The following TRIO variants were observed in gnomAD, a reference collection of about 807,000 sequenced individuals.
The protein encoded by TRIO is triple functional domain protein.
TRIO carries 58 observed loss-of-function variants against 351.9 expected under a neutral mutation model. That is an observed-to-expected ratio of 0.16 (90% CI 0.13 to 0.21). The LOEUF (loss-of-function observed/expected upper bound fraction) is 0.21, where lower values mean the gene tolerates loss of function less well. Ranked by LOEUF, TRIO falls within the 10% of genes least tolerant of loss-of-function variation. The pLI, the probability that TRIO is intolerant of heterozygous loss-of-function variation, is 1.00. For synonymous variants in TRIO, 1,758 were observed against 1,595.7 expected (o/e 1.10, Z -2.42); for missense variants, 3,201 against 4,027.8 (o/e 0.79, Z 5.56).
chr5:14,310,243 T>A (rs987551291), intron 8 of TRIO, among the ~76,000 whole-genome samples: 2 of 152,274 alleles, frequency 1.3e-5, no homozygotes, highest in Non-Finnish European at 2.9e-5. Flanking sequence ...ATGATTTTCA[T>A]CTCAGTGTGC....
intron 33 of TRIO, chr5:14,418,933 G>A (rs116253175): frequency 0.015 from 2,218 of 152,554 alleles, 19 homozygotes; most frequent in Non-Finnish European, 0.025. Context: ...ACAGTCATGA[G>A]AAGACCATGC....
intron 54 of TRIO, 24 bp from the exon 55 acceptor site, chr5:14,504,369 T>G (rs1757513698): frequency 6.2e-7 from 1 of 1,613,074 alleles, no homozygotes; most frequent in African/African-American, 1.3e-5. Flanking sequence ...CCTCTGCAAA[T>G]GGTCCCCCTG....
chr5:14,289,326 A>C (rs1377523093), intron 4 of TRIO, among the ~76,000 whole-genome samples: 1 of 151,942 alleles, frequency 6.6e-6, no homozygotes, highest in African/African-American at 2.4e-5. Flanking sequence ...TGTAGGTTGC[A>C]GTGAGCTGAG....
chr5:14,307,537 A>G (rs1738484622), intron 8 of TRIO, among the ~76,000 whole-genome samples: 1 of 152,148 alleles, frequency 6.6e-6, no homozygotes, highest in Admixed American at 6.5e-5. Flanking sequence ...TTGGCAGTGC[A>G]TGTCCTTCTC....
At chr5:14,446,746 A>T (rs1434133265) in intron 34 of TRIO, among the ~76,000 whole-genome samples, 3 of 152,100 alleles carry the variant, frequency 2.0e-5, no homozygotes, top group Non-Finnish European at 4.4e-5. Context: ...GGAATTCCTA[A>T]TTGGTTACAG....
chr5:14,349,332 C>T (rs1742815496), intron 11 of TRIO, among the ~76,000 whole-genome samples: 1 of 151,840 alleles, frequency 6.6e-6, no homozygotes, highest in Non-Finnish European at 1.5e-5. Context: ...TGTGCACGCA[C>T]ATGAGCATGT....
At position 14,465,599 on chromosome 5, in the gene TRIO, G is replaced by A. The variant is rs781657366; in HGVS notation, c.5722G>A (p.Glu1908Lys). Residue 1908 changes from glutamate (E) to lysine (K), a missense_variant, in exon 37 of 57, where the codon GAG becomes AAG. Coordinates refer to ENST00000344204, the MANE Select transcript of TRIO (RefSeq NM_007118.4). ...CAGCTCCGAAACACCGAGTGCAGCC[G>A]AGCTCGTCAGTGCAATTGAGGAACT... ...PTSSETPSAA[E>K]LVSAIEELVK... 3.1e-6 allele frequency: 5 copies of A among 1,613,934 alleles called. No homozygotes were observed. Among genetic ancestry groups the A allele is most frequent in the African/African-American group, 1.3e-5 (1 of 74,876 alleles).
At chr5:14,384,830 A>C (rs1274722671) in intron 21 of TRIO, among the ~76,000 whole-genome samples, 1 of 152,088 alleles carries the variant, frequency 6.6e-6, no homozygotes, top group Non-Finnish European at 1.5e-5. Flanking sequence ...GGAACATCTA[A>C]AGTTAAAAAT....
At chr5:14,293,912 G>C (rs1192385214) in intron 6 of TRIO, among the ~76,000 whole-genome samples, 3 of 152,036 alleles carry the variant, frequency 2.0e-5, no homozygotes, top group Non-Finnish European at 4.4e-5. Context: ...CTTTAAGCCA[G>C]CCTTGTGAGG....
intron 1 of TRIO, among the ~76,000 whole-genome samples, chr5:14,180,100 CAAAA>C (rs70964542): frequency 7.2e-5 from 2 of 27,752 alleles, no homozygotes; most frequent in Admixed American, 5.3e-4. Flanking sequence ...GACTCCTGCT[CAAAA>C]AAAAAAAAAA....
At chr5:14,305,665 T>A (rs879757880) in intron 8 of TRIO, among the ~76,000 whole-genome samples, 22 of 152,198 alleles carry the variant, frequency 1.4e-4, no homozygotes, top group Admixed American at 1.4e-3. Flanking sequence ...CCATTTGCAT[T>A]TCATTCTGAT....
chr5:14,466,110 G>C (rs1262814015), intron 37 of TRIO: 1 of 168,344 alleles, frequency 5.9e-6, no homozygotes, highest in Non-Finnish European at 1.3e-5. Context: ...CACATTGCTA[G>C]CATAGACTAT....
At chr5:14,441,659 G>A (rs1158079237) in intron 34 of TRIO, among the ~76,000 whole-genome samples, 1 of 152,140 alleles carries the variant, frequency 6.6e-6, no homozygotes, top group Non-Finnish European at 1.5e-5. Context: ...CTTATAAATG[G>A]CATGTAAAGA....
chr5:14,185,053 A>C (rs1368781193), intron 1 of TRIO, among the ~76,000 whole-genome samples: 1 of 152,066 alleles, frequency 6.6e-6, no homozygotes, highest in Non-Finnish European at 1.5e-5. Flanking sequence ...CCTAAAACTT[A>C]TGTGGACTGC....
rs1372320588 is a variant in TRIO at position 14,496,992 on chromosome 5, G to A, written c.7994G>A (p.Gly2665Glu). The A allele has an allele frequency of 6.2e-7, 1 of 1,614,104 alleles. No homozygotes were observed. The highest frequency in any genetic ancestry group is 1.7e-5 in the Admixed American group (1 of 60,006). The change falls in exon 50 of 57, where the codon GGA becomes GAA. Residue 2665 changes from glycine (G) to glutamate (E), a missense_variant. Around this residue, in one of 19 missense-constraint regions of TRIO, gnomAD observed 1,089 missense variants for 954.9 expected, o/e 1.14. Transcript: ENST00000344204. Reference sequence around the variant, plus strand: ...AACGGTTATCGGAAGTCACGGGAAGGACTCAGCAACAAGGTATCTGTGAAG... The same window carrying A: ...AACGGTTATCGGAAGTCACGGGAAGAACTCAGCAACAAGGTATCTGTGAAG... ...LENGYRKSREGLSNKVSVKLL... is the reference protein window; with the variant it reads ...LENGYRKSREELSNKVSVKLL...
intron 19 of TRIO, among the ~76,000 whole-genome samples, chr5:14,376,700 G>T (rs913251694): frequency 6.6e-6 from 1 of 152,224 alleles, no homozygotes; most frequent in Admixed American, 6.5e-5. Flanking sequence ...CAGCGCTTCA[G>T]TGTTCCAACA....
chr5:14,330,761 C>A lies in TRIO; in HGVS notation c.1732-17C>A, dbSNP rs977747464. 3 of 1,612,904 alleles carry A rather than the reference C, an allele frequency of 1.9e-6. No individual in the cohort carries two copies. The highest frequency in any genetic ancestry group is 2.5e-6 in the Non-Finnish European group (3 of 1,179,408). On this transcript the variant is annotated splice_polypyrimidine_tract_variant and intron_variant, in intron 9 of 56. Transcript: ENST00000344204. ...GGACATTGTTTTTATGGCATATGTA[C>A]CTGTATTTCATTGTAGGTGCTAGAC...
At chr5:14,478,815 A>T (rs900723575) in intron 41 of TRIO, among the ~76,000 whole-genome samples, 2 of 151,136 alleles carry the variant, frequency 1.3e-5, no homozygotes, top group Non-Finnish European at 2.9e-5. Flanking sequence ...ATTAAAAATT[A>T]GCCGGGCATG....
intron 1 of TRIO, among the ~76,000 whole-genome samples, chr5:14,170,874 T>A (rs1789060772): frequency 6.6e-6 from 1 of 152,222 alleles, no homozygotes; most frequent in Admixed American, 6.5e-5. Context: ...TTTATTTAAC[T>A]ATTTACATTG....
Sources: gnomAD v4.1 joint callset for allele counts (sites outside exome capture counted in the v4.1 genomes callset) on GRCh38, gnomAD v4.1.1 for gene constraint, gnomAD v4.1.1 regional missense constraint, MANE v1.5 for transcripts, NCBI Gene and HGNC (gene_info 2026-07-23, HGNC 2026-07-21) for gene names.